Variants in NR3C2 observed in about 807,000 individuals in gnomAD.
NR3C2 encodes the protein nuclear receptor subfamily 3 group C member 2, also known as mineralocorticoid receptor.
Under a neutral mutation model 86.4 loss-of-function variants are expected in NR3C2, and 15 were observed. The ratio of observed to expected loss-of-function variants is 0.17; its 90% CI spans 0.12 to 0.27. NR3C2 has a LOEUF of 0.27. NR3C2 is among the 10% of genes least tolerant of loss of function. The probability of loss-of-function intolerance (pLI) is 1.00; values close to 1 mark genes in which losing one functional copy is unlikely to be tolerated. For synonymous variants in NR3C2, 458 were observed against 450.5 expected (o/e 1.02, Z -0.21); for missense variants, 960 against 1,195.6 (o/e 0.80, Z 2.91).
At chr4:148,138,394 A>AT (rs1560941222) in intron 6 of NR3C2, among the ~76,000 whole-genome samples, 1 of 151,826 alleles carries the variant, frequency 6.6e-6, no homozygotes, top group South Asian at 2.1e-4. Context: ...CACCTATTTT[A>AT]TTTTTTTGAG....
chr4:148,294,253 G>C (rs1018305909), intron 2 of NR3C2, among the ~76,000 whole-genome samples: 5 of 152,150 alleles, frequency 3.3e-5, no homozygotes, highest in African/African-American at 1.2e-4. Flanking sequence ...GTTGTTTTGA[G>C]GACTAGCTGA....
In NR3C2 at chr4:148,435,409, A is replaced by G; in HGVS notation, c.1452T>C (p.Cys484=). 2.5e-6 allele frequency: 4 copies of G among 1,614,192 alleles called. No individual in the cohort carries two copies. The highest frequency in any genetic ancestry group is 3.4e-6 in the Non-Finnish European group (4 of 1,180,038). The change falls in exon 2 of 9, where the codon TGT becomes TGC. Residue 484 remains cysteine (C), a synonymous_variant. Coordinates refer to ENST00000358102, the MANE Select transcript of NR3C2 (RefSeq NM_000901.5). The stretch of plus-strand genomic sequence containing the variant: ...TACCCACTGGGAATCCGCTGCCTTC[A>G]CAGTTACCATCAAAGCCGGGCACAG... ...GPPVPGFDGN[C]EGSGFPVGIK...
chr4:148,426,934 T>C (rs974623305), intron 2 of NR3C2, among the ~76,000 whole-genome samples: 18 of 152,084 alleles, frequency 1.2e-4, no homozygotes, highest in African/African-American at 4.1e-4. Context: ...AAACCTATTA[T>C]TGACCTCTTC....
chr4:148,141,937 T>C lies in NR3C2; in HGVS notation c.2510+10532A>G, dbSNP rs527870326. Among the ~76,000 whole-genome samples the C allele has an allele frequency of 1.9e-4, 29 of 152,006 alleles. No individual in the cohort carries two copies. In the South Asian group the frequency reaches 3.8e-3, roughly 20 times the overall value. On this transcript the variant is annotated intron_variant, in intron 6 of 8. Coordinates refer to ENST00000358102, the MANE Select transcript of NR3C2 (RefSeq NM_000901.5). ...AAACTGGTCCCTGATGCCCAAAAGG[T>C]TGGGGACCGCTGCTATAGAGTGTAT...
At chr4:148,084,356 G>A (rs1174723650) in intron 8 of NR3C2, among the ~76,000 whole-genome samples, 3 of 152,122 alleles carry the variant, frequency 2.0e-5, no homozygotes, top group African/African-American at 7.2e-5. Flanking sequence ...AGAGAGTGGG[G>A]GCCAATATTC....
intron 3 of NR3C2, among the ~76,000 whole-genome samples, chr4:148,215,952 TTGTG>T (rs949535466): frequency 1.3e-5 from 2 of 151,718 alleles, no homozygotes; most frequent in Non-Finnish European, 2.9e-5. Context: ...GCTATTTTTT[TTGTG>T]TGTGTGTGTT....
chr4:148,237,204 T>G (rs1233571362), intron 3 of NR3C2, among the ~76,000 whole-genome samples: 3 of 152,186 alleles, frequency 2.0e-5, no homozygotes, highest in African/African-American at 7.2e-5. Flanking sequence ...AGGGAAGACA[T>G]ACCATCATTT....
chr4:148,319,899 AACTTCCAAC>A (rs1489977394), intron 2 of NR3C2, among the ~76,000 whole-genome samples: 1 of 141,514 alleles, frequency 7.1e-6, no homozygotes, highest in Non-Finnish European at 1.5e-5. Context: ...CCCTGGCCAG[AACTTCCAAC>A]ACTATGTTGA....
intron 2 of NR3C2, among the ~76,000 whole-genome samples, chr4:148,275,499 C>A (rs765491): frequency 6.6e-6 from 1 of 151,498 alleles, no homozygotes; most frequent in Non-Finnish European, 1.5e-5. Flanking sequence ...GACGTGATCA[C>A]GGCTTACTGC....
At chr4:148,444,911 C>T, upstream of NR3C2, 1 of 985,100 alleles carries the variant, frequency 1.0e-6, no homozygotes, top group Non-Finnish European at 1.2e-6. Flanking sequence ...GCGCCACTCT[C>T]CGCGCCCCCT....
At chr4:148,109,860 T>TA (rs61764238) in intron 8 of NR3C2, among the ~76,000 whole-genome samples, 4,255 of 152,350 alleles carry the variant, frequency 0.028, 94 homozygotes, top group Non-Finnish European at 0.042. Context: ...CAAGAGGTAC[T>TA]ATTAATATCA....
chr4:148,175,033 TA>T (rs1199281280), intron 4 of NR3C2, among the ~76,000 whole-genome samples: 5 of 152,194 alleles, frequency 3.3e-5, no homozygotes, highest in South Asian at 2.1e-4. Context: ...AAGGCTATGT[TA>T]GGGTTGGCAA....
chr4:148,079,992 C>CTGAT lies in NR3C2; in HGVS notation c.*1348_*1351dup, dbSNP rs1337056191. ...ATTTTTTTTTCCCACAGGAGAAAAT[C>CTGAT]TGATTTTCTAAAATGGGAGGAAAAG... is the stretch of plus-strand genomic sequence containing the variant. On this transcript the variant is annotated 3_prime_UTR_variant, in exon 9 of 9. Transcript: ENST00000358102. The CTGAT allele has an allele frequency of 1.1e-4, 16 of 152,098 alleles. No individual in the cohort carries two copies. Among genetic ancestry groups the CTGAT allele is most frequent in the African/African-American group, 3.6e-4 (15 of 41,388 alleles). The allele number at this position is 152,098 out of a possible 1,614,324, so 9.4% of individuals were successfully genotyped here.
At position 148,081,244 on chromosome 4, in the gene NR3C2, G is replaced by T; in HGVS notation, c.*100C>A. ...ACTTGAGAAACTGTTGAACAAGTGT[G>T]AATCAACCATCACATGTTAAAAACA... On this transcript the variant is annotated 3_prime_UTR_variant, in exon 9 of 9. Transcript: ENST00000358102. The T allele has an allele frequency of 6.9e-7, 1 of 1,447,882 alleles. No homozygotes were observed. Among genetic ancestry groups the T allele is most frequent in the Non-Finnish European group, 9.7e-7 (1 of 1,035,508 alleles). 89.7% of individuals were successfully genotyped at this position (1,447,882 alleles called of 1,614,324 possible).
intron 2 of NR3C2, among the ~76,000 whole-genome samples, chr4:148,390,785 A>C (rs762741496): frequency 6.6e-6 from 1 of 152,232 alleles, no homozygotes; most frequent in Non-Finnish European, 1.5e-5. Context: ...GACAGGCCCC[A>C]AAAATTGTTA....
intron 8 of NR3C2, among the ~76,000 whole-genome samples, chr4:148,086,724 A>T (rs572961300): frequency 6.6e-6 from 1 of 152,242 alleles, no homozygotes; most frequent in Non-Finnish European, 1.5e-5. Flanking sequence ...CCTGAGTGAC[A>T]GAGCGAGACT....
At chr4:148,325,561 C>T (rs1438192582) in intron 2 of NR3C2, among the ~76,000 whole-genome samples, 1 of 152,118 alleles carries the variant, frequency 6.6e-6, no homozygotes, top group East Asian at 1.9e-4. Context: ...GTATTCTCTC[C>T]TGACAGTAGA....
chr4:148,150,577 G>A (rs1265272390), intron 6 of NR3C2, among the ~76,000 whole-genome samples: 1 of 152,168 alleles, frequency 6.6e-6, no homozygotes, highest in Non-Finnish European at 1.5e-5. Context: ...AATAGACTGT[G>A]AAAAGGATGA....
At chr4:148,237,810 T>C (rs1738822191) in intron 3 of NR3C2, among the ~76,000 whole-genome samples, 1 of 152,036 alleles carries the variant, frequency 6.6e-6, no homozygotes, top group South Asian at 2.1e-4. Flanking sequence ...GAGAAATATA[T>C]ATGCTAAAAC....
Sources: gnomAD v4.1 joint callset for allele counts (sites outside exome capture counted in the v4.1 genomes callset) on GRCh38, gnomAD v4.1.1 for gene constraint, MANE v1.5 for transcripts, NCBI Gene and HGNC (gene_info 2026-07-23, HGNC 2026-07-21) for gene names.